Variants in ATXN7L1 observed in about 807,000 individuals in gnomAD.
ATXN7L1 encodes ataxin-7-like protein 1.
In ATXN7L1, 15 loss-of-function variants were observed where a neutral mutation model predicts 70.8. That is an observed-to-expected ratio of 0.21 (90% CI 0.14 to 0.33). ATXN7L1 has a LOEUF of 0.33. Ranked by LOEUF, ATXN7L1 falls within the 10% of genes least tolerant of loss-of-function variation. ATXN7L1 has a pLI of 1.00. For missense variants in ATXN7L1, 975 were observed against 1,097.1 expected (o/e 0.89, Z 1.57); for synonymous variants, 440 against 445.1 (o/e 0.99, Z 0.14).
At chr7:105,840,971 T>A (rs1813119817) in intron 2 of ATXN7L1, among the ~76,000 whole-genome samples, 1 of 152,226 alleles carries the variant, frequency 6.6e-6, no homozygotes, top group Admixed American at 6.5e-5. Flanking sequence ...AATCCTAATG[T>A]CCTTGGTGAA....
chr7:105,735,468 T>C (rs2016380), intron 3 of ATXN7L1, among the ~76,000 whole-genome samples: 30,400 of 152,172 alleles, frequency 0.2, 3,302 homozygotes, highest in East Asian at 0.33. Flanking sequence ...GCGATAGGCA[T>C]AGAGACCTTT....
chr7:105,719,056 T>C (rs1794894752), intron 3 of ATXN7L1, among the ~76,000 whole-genome samples: 1 of 152,180 alleles, frequency 6.6e-6, no homozygotes, highest in African/African-American at 2.4e-5. Flanking sequence ...CAGTTTACAG[T>C]GGCCACCAGC....
At chr7:105,679,117 G>C (rs1805184666) in intron 3 of ATXN7L1, 4 of 985,982 alleles carry the variant, frequency 4.1e-6, no homozygotes, top group Admixed American at 1.2e-4. Flanking sequence ...AACGCGACTC[G>C]TGGTAGTAGA....
Position 105,604,944 on chromosome 7 carries a change from T to C in ATXN7L1, c.*2908A>G, listed in dbSNP as rs1163560991. 3 of 151,334 alleles carry C rather than the reference T, an allele frequency of 2.0e-5. No individual in the cohort carries two copies. The highest frequency in any genetic ancestry group is 1.5e-5 in the Non-Finnish European group (1 of 67,918). The allele number at this position is 151,334 out of a possible 1,614,324, so 9.4% of individuals were successfully genotyped here. A position where few individuals can be genotyped will look rare whatever the true frequency, so the allele number is the denominator to read the frequency against. ...AGAGTTCACTGAGAATCAGCAATAA[T>C]AGAATATGCTGTATAAACTATTCTC... On this transcript the variant is annotated 3_prime_UTR_variant, in exon 12 of 12. Coordinates refer to ENST00000419735, the MANE Select transcript of ATXN7L1 (RefSeq NM_020725.2).
chr7:105,821,325 C>CGATT (rs1810131452), intron 2 of ATXN7L1, among the ~76,000 whole-genome samples: 1 of 152,196 alleles, frequency 6.6e-6, no homozygotes, highest in Non-Finnish European at 1.5e-5. Flanking sequence ...AGGCGTGAGC[C>CGATT]ACCACGCCTG....
intron 10 of ATXN7L1, 71 bp downstream of exon 10, chr7:105,613,791 C>T: frequency 6.5e-7 from 1 of 1,550,002 alleles, no homozygotes; most frequent in Non-Finnish European, 8.7e-7. Flanking sequence ...AGCCGCCCGG[C>T]TAAGCAGGGG....
intron 3 of ATXN7L1, among the ~76,000 whole-genome samples, chr7:105,727,290 C>T (rs911720967): frequency 6.6e-6 from 1 of 152,096 alleles, no homozygotes; most frequent in Non-Finnish European, 1.5e-5. Flanking sequence ...CAGACAGTCA[C>T]GCACAGGCTT....
At chr7:105,655,511 C>A (rs1166283046) in intron 4 of ATXN7L1, among the ~76,000 whole-genome samples, 1 of 151,890 alleles carries the variant, frequency 6.6e-6, no homozygotes, top group Non-Finnish European at 1.5e-5. Context: ...CTGCAAGAAT[C>A]CTGCTGAGGA....
intron 3 of ATXN7L1, among the ~76,000 whole-genome samples, chr7:105,779,340 T>C (rs1373753114): frequency 6.6e-6 from 1 of 152,256 alleles, no homozygotes; most frequent in Non-Finnish European, 1.5e-5. Context: ...TTTATTGCTG[T>C]TATTTTTATC....
intron 3 of ATXN7L1, among the ~76,000 whole-genome samples, chr7:105,698,932 T>C (rs1451579505): frequency 1.4e-5 from 2 of 142,692 alleles, no homozygotes; most frequent in South Asian, 2.2e-4. Context: ...TATATATATA[T>C]ACCTTACTAG....
chr7:105,654,683 T>C (rs1800342897), intron 4 of ATXN7L1, among the ~76,000 whole-genome samples: 1 of 152,190 alleles, frequency 6.6e-6, no homozygotes, highest in South Asian at 2.1e-4. Context: ...TAATGAGCTA[T>C]GCAGCTATGA....
At chr7:105,610,963 C>T (rs909952648) in intron 10 of ATXN7L1, among the ~76,000 whole-genome samples, 3 of 152,348 alleles carry the variant, frequency 2.0e-5, no homozygotes, top group East Asian at 3.9e-4. Flanking sequence ...TGTGGCCAAA[C>T]GGTCACACAG....
intron 3 of ATXN7L1, among the ~76,000 whole-genome samples, chr7:105,786,716 T>A (rs1804357820): frequency 6.6e-6 from 1 of 152,060 alleles, no homozygotes; most frequent in Admixed American, 6.6e-5. Context: ...GGTCTCACTA[T>A]GTTGCCCAGG....
At chr7:105,787,006 G>C (rs1263705647) in intron 3 of ATXN7L1, among the ~76,000 whole-genome samples, 7 of 152,094 alleles carry the variant, frequency 4.6e-5, no homozygotes, top group African/African-American at 1.7e-4. Context: ...GGCTGGGTGG[G>C]ACCTTCTTGC....
At chr7:105,812,102 C>A (rs961902336) in intron 2 of ATXN7L1, among the ~76,000 whole-genome samples, 3 of 152,190 alleles carry the variant, frequency 2.0e-5, no homozygotes, top group African/African-American at 7.2e-5. Flanking sequence ...CTCAAGCCCC[C>A]CTGGATGCTA....
At chr7:105,736,357 T>C (rs1797374130) in intron 3 of ATXN7L1, among the ~76,000 whole-genome samples, 1 of 152,248 alleles carries the variant, frequency 6.6e-6, no homozygotes. Context: ...GGTCTGTCAT[T>C]AAAATCCCAT....
intron 2 of ATXN7L1, among the ~76,000 whole-genome samples, chr7:105,866,673 A>G (rs1165216790): frequency 6.6e-6 from 1 of 152,214 alleles, no homozygotes; most frequent in Admixed American, 6.5e-5. Context: ...ATCAGCTGGG[A>G]GCACGTAATC....
At chr7:105,813,096 A>G (rs9691488) in intron 2 of ATXN7L1, among the ~76,000 whole-genome samples, 52,643 of 152,082 alleles carry the variant, frequency 0.35, 9,626 homozygotes, top group East Asian at 0.68. Context: ...CCGCCTTTCA[A>G]CTGTTATGAA....
chr7:105,835,796 A>G (rs1812290179), intron 2 of ATXN7L1, among the ~76,000 whole-genome samples: 2 of 152,230 alleles, frequency 1.3e-5, no homozygotes, highest in African/African-American at 4.8e-5. Context: ...ATTAACAGAA[A>G]TACTGAAGGG....
Sources: allele counts gnomAD v4.1 joint callset (sites outside exome capture counted in the v4.1 genomes callset), GRCh38; gene constraint gnomAD v4.1.1; transcripts MANE v1.5; gene names NCBI Gene and HGNC (gene_info 2026-07-23, HGNC 2026-07-21).